NT5DC1: variants seen among roughly 807,000 people sequenced by gnomAD.
The protein encoded by NT5DC1 is 5'-nucleotidase domain-containing protein 1.
In NT5DC1, 42 loss-of-function variants were observed where a neutral mutation model predicts 59.4. That is an observed-to-expected ratio of 0.71 (90% confidence interval 0.55 to 0.92). The LOEUF (loss-of-function observed/expected upper bound fraction) is 0.92, where lower values mean the gene tolerates loss of function less well. NT5DC1 is among the 40% of genes least tolerant of loss of function. The probability of loss-of-function intolerance (pLI) is 0.00; values close to 1 mark genes in which losing one functional copy is unlikely to be tolerated. For missense variants in NT5DC1, 501 were observed against 537.1 expected (o/e 0.93, Z 0.66); for synonymous variants, 172 against 188.1 (o/e 0.91, Z 0.70).
chr6:116,101,135 G>T, intron 1 of NT5DC1, 112 bp downstream of exon 1: 2 of 723,634 alleles, frequency 2.8e-6, no homozygotes, highest in Non-Finnish European at 4.3e-6. Context: ...TGCGGCGGCC[G>T]AGTCTTGCCG....
At chr6:116,167,638 C>T (rs1157532694) in intron 6 of NT5DC1, among the ~76,000 whole-genome samples, 1 of 151,854 alleles carries the variant, frequency 6.6e-6, no homozygotes, top group Non-Finnish European at 1.5e-5. Flanking sequence ...CTTTTCTTAC[C>T]CTTCTACCCT....
chr6:116,108,534 T>A, intron 3 of NT5DC1, 99 bp downstream of exon 3: 1 of 712,206 alleles, frequency 1.4e-6, no homozygotes, highest in Non-Finnish European at 2.5e-6. Flanking sequence ...AATATGATTA[T>A]TTTAATTAAT....
At chr6:116,192,193 A>G (rs923725081) in intron 6 of NT5DC1, among the ~76,000 whole-genome samples, 1 of 152,012 alleles carries the variant, frequency 6.6e-6, no homozygotes, top group African/African-American at 2.4e-5. Flanking sequence ...TTGCCAGTTA[A>G]TTAACCTCTG....
intron 6 of NT5DC1, among the ~76,000 whole-genome samples, chr6:116,135,873 A>ATATATATG (rs1491111454): frequency 9.7e-5 from 6 of 62,176 alleles, no homozygotes; most frequent in South Asian, 8.9e-4. Context: ...ATATATATAT[A>ATATATATG]CACACATACA....
chr6:116,101,847 C>G (rs964392357), intron 1 of NT5DC1, among the ~76,000 whole-genome samples: 2 of 152,192 alleles, frequency 1.3e-5, no homozygotes, highest in African/African-American at 4.8e-5. Context: ...AGTCCAAGAT[C>G]TAAGCATCCA....
chr6:116,236,278 T>C (rs185091277), intron 8 of NT5DC1, among the ~76,000 whole-genome samples: 1 of 152,248 alleles, frequency 6.6e-6, no homozygotes, highest in Non-Finnish European at 1.5e-5. Flanking sequence ...TTAATCATCA[T>C]GCTGGTAGGC....
chr6:116,148,002 G>T (rs910393490), intron 6 of NT5DC1, among the ~76,000 whole-genome samples: 1 of 151,738 alleles, frequency 6.6e-6, no homozygotes, highest in Non-Finnish European at 1.5e-5. Context: ...AAAAAGGTGG[G>T]GGGGGTTGGA....
chr6:116,167,206 A>ATTTTTTTTTTT (rs61348980), intron 6 of NT5DC1, among the ~76,000 whole-genome samples: 1 of 87,794 alleles, frequency 1.1e-5, no homozygotes, highest in Admixed American at 1.5e-4. Flanking sequence ...CAAATAGAAG[A>ATTTTTTTTTTT]TTTTTTTTTT....
At chr6:116,225,711 C>G (rs1279819439) in intron 8 of NT5DC1, among the ~76,000 whole-genome samples, 1 of 152,160 alleles carries the variant, frequency 6.6e-6, no homozygotes, top group African/African-American at 2.4e-5. Context: ...ATGTGCAGCT[C>G]TTTCTAGAAT....
chr6:116,117,049 C>G (rs1417319307), intron 5 of NT5DC1, among the ~76,000 whole-genome samples: 2 of 152,170 alleles, frequency 1.3e-5, no homozygotes, highest in Non-Finnish European at 2.9e-5. Flanking sequence ...TTGAGACTTG[C>G]AGCTCTTTCA....
rs190040995 is a variant in NT5DC1 at position 116,230,006 on chromosome 6, A to G, written c.802+6875A>G. On this transcript the variant is annotated intron_variant, in intron 8 of 11. Coordinates refer to ENST00000319550, the MANE Select transcript of NT5DC1 (RefSeq NM_152729.3). ...CAAACATGCCGGTCACCTTGTGTGT[A>G]TTCTTTACTTAACCATCCATTAGAA... is the stretch of plus-strand genomic sequence containing the variant. Among the ~76,000 whole-genome samples the G allele has an allele frequency of 3.5e-3, 536 of 152,284 alleles. 5 individuals are homozygous for G. The highest frequency in any genetic ancestry group is 5.9e-3 in the Non-Finnish European group (399 of 68,024).
rs574326916 is a variant in NT5DC1, at chr6:116,124,637, C to A, written c.529+6692C>A. Among the ~76,000 whole-genome samples, 28 of 152,282 alleles carry A rather than the reference C, an allele frequency of 1.8e-4. No individual in the cohort carries two copies. The South Asian group carries it at 5.6e-3, about 30-fold the overall frequency. On this transcript the variant is annotated intron_variant, in intron 6 of 11. Transcript: ENST00000319550. ...TACAGGTATTAATTCATTTAAACTT[C>A]GCAGCAGCCCTTGAGATAGCTGCTC... is the stretch of plus-strand genomic sequence containing the variant.
chr6:116,145,062 C>T (rs1779862700), intron 6 of NT5DC1, among the ~76,000 whole-genome samples: 1 of 152,100 alleles, frequency 6.6e-6, no homozygotes, highest in African/African-American at 2.4e-5. Flanking sequence ...AATGGAATGC[C>T]TTTTAAATCT....
At chr6:116,149,824 C>T (rs534443901) in intron 6 of NT5DC1, among the ~76,000 whole-genome samples, 181 of 152,232 alleles carry the variant, frequency 1.2e-3, no homozygotes, top group African/African-American at 4.2e-3. Context: ...AATGAGTCTC[C>T]CTTCTTTAGA....
intron 8 of NT5DC1, among the ~76,000 whole-genome samples, chr6:116,224,353 G>A (rs1467174780): frequency 4.6e-5 from 7 of 152,182 alleles, no homozygotes; most frequent in Non-Finnish European, 8.8e-5. Context: ...ATGGTAGCAC[G>A]TGTCAAGCAC....
intron 8 of NT5DC1, among the ~76,000 whole-genome samples, chr6:116,223,587 T>A (rs189234168): frequency 1.7e-3 from 254 of 152,276 alleles, no homozygotes; most frequent in African/African-American, 5.7e-3. Context: ...ATGAAAGGGA[T>A]TTGCAGATGA....
chr6:116,100,900 C>A lies in NT5DC1; in HGVS notation c.-31C>A. The A allele has an allele frequency of 6.4e-7, 1 of 1,562,562 alleles. No individual in the cohort carries two copies. Reference sequence around the variant, plus strand: ...GCCAGCTCCTTGCACCCTTCGCGGCCGAGGCGCTCCCTGGTGCTCCCCGCG... The same window carrying A: ...GCCAGCTCCTTGCACCCTTCGCGGCAGAGGCGCTCCCTGGTGCTCCCCGCG... On this transcript the variant is annotated 5_prime_UTR_variant, in exon 1 of 12. Transcript: ENST00000319550.
chr6:116,119,966 A>C (rs1165800475), intron 6 of NT5DC1: 2 of 1,073,136 alleles, frequency 1.9e-6, no homozygotes, highest in African/African-American at 1.6e-5. Flanking sequence ...ATTTCAGAAA[A>C]TAAAAATTAC....
intron 6 of NT5DC1, chr6:116,125,800 A>C (rs1197945701): frequency 4.0e-6 from 1 of 252,502 alleles, no homozygotes; most frequent in Admixed American, 5.2e-5. Context: ...AGGATCTTTG[A>C]CATAGCCTGA....
Sources: allele counts gnomAD v4.1 joint callset (sites outside exome capture counted in the v4.1 genomes callset), GRCh38; gene constraint gnomAD v4.1.1; transcripts MANE v1.5; gene names NCBI Gene and HGNC (gene_info 2026-07-23, HGNC 2026-07-21).